KLHL5: variants seen among roughly 807,000 people sequenced by gnomAD.
KLHL5 encodes the protein kelch-like protein 5.
Under a neutral mutation model 77.7 loss-of-function variants are expected in KLHL5, and 48 were observed. The ratio of observed to expected loss-of-function variants is 0.62; its 90% confidence interval spans 0.49 to 0.79. The LOEUF is 0.79. Ranked by LOEUF, KLHL5 falls within the 30% of genes least tolerant of loss-of-function variation. KLHL5 has a pLI of 0.00. For synonymous variants in KLHL5, 260 were observed against 297.0 expected, an observed-to-expected ratio of 0.88 and a Z score of 1.28; for missense variants, 723 against 859.7, an observed-to-expected ratio of 0.84 and a Z score of 1.99.
At chr4:39,075,878 AT>A in intron 1 of KLHL5, 86 bp from the exon 2 acceptor site, 1 of 1,065,896 alleles carries the variant, frequency 9.4e-7, no homozygotes. Context: ...CTTCTATTAC[AT>A]TTGAAGGCTT....
Position 39,124,160 on chromosome 4 carries a change from G to C in KLHL5, c.*3094G>C, listed in dbSNP as rs899932944. Among the ~76,000 whole-genome samples the C allele has an allele frequency of 6.6e-6, 1 of 152,212 alleles. No homozygotes were observed. The highest frequency in any genetic ancestry group is 1.9e-4 in the East Asian group (1 of 5,186). On this transcript the variant is annotated 3_prime_UTR_variant, in exon 11 of 11. Transcript: ENST00000504108. ...CAAAACGTTGCTGAAAGAAATTAAA[G>C]AAGACCTAAATAAATGGAAGACATC... is the stretch of plus-strand genomic sequence containing the variant.
At chr4:39,105,737 TACACACACAC>T (rs10536180) in intron 7 of KLHL5, among the ~76,000 whole-genome samples, 1,847 of 146,676 alleles carry the variant, frequency 0.013, 17 homozygotes, top group Non-Finnish European at 0.02. Flanking sequence ...TATATATGTA[TACACACACAC>T]ACACACACAC....
the KLHL5 span, chr4:39,133,836 G>T: frequency 6.6e-6 from 1 of 152,266 alleles, no homozygotes; most frequent in Admixed American, 6.5e-5. Flanking sequence ...ATGCTCATTT[G>T]TTGATGTCTG....
intron 4 of KLHL5, among the ~76,000 whole-genome samples, chr4:39,085,916 T>A (rs185218911): frequency 7.2e-5 from 11 of 152,318 alleles, no homozygotes; most frequent in Non-Finnish European, 5.9e-5. Context: ...CTAGATGATC[T>A]TATAAATATC....
chr4:39,101,205 T>C (rs1328591275), intron 6 of KLHL5, among the ~76,000 whole-genome samples: 2 of 147,660 alleles, frequency 1.4e-5, no homozygotes, highest in Non-Finnish European at 3.0e-5. Flanking sequence ...TAACTTTTAG[T>C]TACCAATTCA....
chr4:39,107,723 A>T lies in KLHL5; in HGVS notation c.1680A>T (p.Leu560=). 1 of 1,590,046 alleles carries T rather than the reference A, an allele frequency of 6.3e-7. No homozygotes were observed. Among genetic ancestry groups the T allele is most frequent in the Non-Finnish European group, 8.6e-7 (1 of 1,164,170 alleles). Residue 560 remains leucine (L), a synonymous_variant, in exon 8 of 11, where the codon CTA becomes CTT. Transcript: ENST00000504108. ...GGAGTACAGTAGGTGTGGCAGTACT[A>T]AGTGGAAAGTAAGGAAATATTTAAA... ...TPRSTVGVAV[L]SGKLYAVGGR... is the part of the protein sequence containing the mutation.
the KLHL5 span, among the ~76,000 whole-genome samples, chr4:39,142,500 G>A: frequency 6.6e-6 from 1 of 152,104 alleles, no homozygotes; most frequent in African/African-American, 2.4e-5. Context: ...ATCCACTCTG[G>A]AGAAGCACCC....
At chr4:39,089,773 C>A (rs142570254) in intron 5 of KLHL5, among the ~76,000 whole-genome samples, 1,749 of 152,300 alleles carry the variant, frequency 0.011, 19 homozygotes, top group Middle Eastern at 0.034. Context: ...CCCACACCTA[C>A]TGAATATGAA....
Position 39,120,777 on chromosome 4 carries a change from A to AT in KLHL5, c.2074-233_2074-232insT, listed in dbSNP as rs1348095478. On this transcript the variant is annotated intron_variant, in intron 10 of 10. Coordinates refer to ENST00000504108, the MANE Select transcript of KLHL5 (RefSeq NM_015990.5). Reference sequence around the variant, plus strand: ...CTGTTTTAAAAATCACCTTTAAAGAAGAATGAATGCTACACAATCATGATG... The same window carrying AT: ...CTGTTTTAAAAATCACCTTTAAAGAATGAATGAATGCTACACAATCATGATG... Among the ~76,000 whole-genome samples, 4 of 152,234 alleles carry AT rather than the reference A, an allele frequency of 2.6e-5. No homozygotes were observed. In the East Asian group the frequency reaches 7.7e-4, roughly 29 times the overall value.
chr4:39,134,209 G>A, the KLHL5 span, among the ~76,000 whole-genome samples: 28 of 152,300 alleles, frequency 1.8e-4, no homozygotes, highest in Middle Eastern at 0.01. Context: ...AACAATTAGG[G>A]ACTATCTTAG....
chr4:39,129,308 A>G (rs941661382), downstream of KLHL5, among the ~76,000 whole-genome samples: 1 of 151,798 alleles, frequency 6.6e-6, no homozygotes, highest in African/African-American at 2.4e-5. This position sits in a 1 kb window ranked among gnomAD's most constrained non-coding sequence, Gnocchi z 4.2. Context: ...CCTGGGTTCA[A>G]GTGGTTCTCC....
chr4:39,090,495 C>G (rs1186063795), intron 5 of KLHL5, among the ~76,000 whole-genome samples: 1 of 149,004 alleles, frequency 6.7e-6, no homozygotes, highest in Non-Finnish European at 1.5e-5. Flanking sequence ...TTTGCCCAGG[C>G]TGGAGTGCGG....
At chr4:39,062,190 A>T, upstream of KLHL5, 1 of 956,912 alleles carries the variant, frequency 1.0e-6, no homozygotes, top group African/African-American at 1.7e-5. Context: ...TTATTGTTTC[A>T]GCAATGAAAG....
intron 8 of KLHL5, among the ~76,000 whole-genome samples, chr4:39,111,593 G>A (rs543518884): frequency 1.3e-5 from 2 of 152,250 alleles, no homozygotes; most frequent in Admixed American, 6.5e-5. Flanking sequence ...CTCATGTTCT[G>A]TGATCCATAC....
chr4:39,061,338 A>G (rs1472950069), upstream of KLHL5, among the ~76,000 whole-genome samples: 1 of 152,182 alleles, frequency 6.6e-6, no homozygotes, highest in East Asian at 1.9e-4. Context: ...GAATTAGTTG[A>G]TAAAGGAGTA....
intron 7 of KLHL5, among the ~76,000 whole-genome samples, chr4:39,103,974 CA>C (rs35801364): frequency 0.23 from 20,887 of 92,678 alleles, 1,497 homozygotes; most frequent in African/African-American, 0.29. Context: ...ACATCTATCT[CA>C]AAAAAAAAAA....
chr4:39,086,126 C>T (rs1020452627), intron 4 of KLHL5, among the ~76,000 whole-genome samples: 2 of 152,170 alleles, frequency 1.3e-5, no homozygotes, highest in African/African-American at 4.8e-5. Flanking sequence ...CTTCAGCACC[C>T]ACAAATCCAA....
rs950798916 is a variant in KLHL5 at position 39,122,963 on chromosome 4, T to C, written c.*1897T>C. Among the ~76,000 whole-genome samples the C allele has an allele frequency of 6.6e-6, 1 of 152,220 alleles. No homozygotes were observed. The highest frequency in any genetic ancestry group is 1.5e-5 in the Non-Finnish European group (1 of 68,048). The stretch of plus-strand genomic sequence containing the variant: ...TTCCTTAGTATTTAGGGAAGACTTT[T>C]GTTTAAATCTCTTATGGAATTTTAC... On this transcript the variant is annotated 3_prime_UTR_variant, in exon 11 of 11. Coordinates refer to ENST00000504108, the MANE Select transcript of KLHL5 (RefSeq NM_015990.5).
At chr4:39,111,822 G>T (rs748226270) in intron 8 of KLHL5, among the ~76,000 whole-genome samples, 18 of 152,094 alleles carry the variant, frequency 1.2e-4, no homozygotes, top group Non-Finnish European at 2.1e-4. Context: ...TTTAAGATAT[G>T]GTCATCTTAT....
Sources: allele counts gnomAD v4.1 joint callset (sites outside exome capture counted in the v4.1 genomes callset), GRCh38; gene constraint gnomAD v4.1.1; non-coding constraint Gnocchi (gnomAD v3.1); transcripts MANE v1.5; gene names NCBI Gene and HGNC (gene_info 2026-07-23, HGNC 2026-07-21).